TCHP: variants seen among roughly 807,000 people sequenced by gnomAD.
TCHP encodes trichoplein keratin filament binding, also known as trichoplein keratin filament-binding protein.
TCHP carries 81 observed loss-of-function variants against 88.7 expected under a neutral mutation model. The ratio of observed to expected loss-of-function variants is 0.91; its 90% CI spans 0.76 to 1.10. TCHP has a LOEUF of 1.10. Among genes scored for constraint, TCHP ranks in the 50% least tolerant of loss-of-function variants. The probability of loss-of-function intolerance (pLI) is 0.00; values close to 1 mark genes in which losing one functional copy is unlikely to be tolerated. For synonymous variants in TCHP, 232 were observed against 232.5 expected (o/e 1.00, Z 0.02); for missense variants, 641 against 632.1 (o/e 1.01, Z -0.15).
In TCHP at chr12:109,915,493, G is replaced by A. The variant is rs1870761325; in HGVS notation, c.1411G>A (p.Ala471Thr). 6.2e-7 allele frequency: 1 copy of A among 1,613,988 alleles called. No homozygotes were observed. The highest frequency in any genetic ancestry group is 1.3e-5 in the African/African-American group (1 of 74,918). The stretch of plus-strand genomic sequence containing the variant: ...CCGGCGGGTCGAGCAGCTCTCAGAT[G>A]CCCTGCTGCAGCAGGAGGCGGAGAC... ...EARRVEQLSD[A>T]LLQQEAETMA... Residue 471 changes from alanine (A) to threonine (T), a missense_variant, in exon 12 of 13, where the codon GCC becomes ACC. By Grantham distance (58) the Ala-to-Thr change is moderately conservative (BLOSUM62 0). Coordinates refer to ENST00000405876, the MANE Select transcript of TCHP (RefSeq NM_001143852.2).
Position 109,905,057 on chromosome 12 carries a change from G to T in TCHP, c.456+264G>T, listed in dbSNP as rs1036773863. 7 of 477,538 alleles carry T rather than the reference G, an allele frequency of 1.5e-5. No homozygotes were observed. Among genetic ancestry groups the T allele is most frequent in the Middle Eastern group, 5.8e-4 (1 of 1,714 alleles). The allele number at this position is 477,538 out of a possible 1,614,324, so 29.6% of individuals were successfully genotyped here. ...AGACATGGTTTCTGCTCATTAGCTT[G>T]TGTCCAGCATGGGAGCTCATTACAG... On this transcript the variant is annotated intron_variant, in intron 4 of 12. Coordinates refer to ENST00000405876, the MANE Select transcript of TCHP (RefSeq NM_001143852.2). This position sits in a 1 kb window ranked among gnomAD's most constrained non-coding sequence, Gnocchi z 4.0.
At chr12:109,913,567 C>A (rs528623015) in intron 10 of TCHP, among the ~76,000 whole-genome samples, 1 of 152,324 alleles carries the variant, frequency 6.6e-6, no homozygotes, top group South Asian at 2.1e-4. Context: ...TCTTCCCACA[C>A]GTTTCCCCCC....
chr12:109,902,933 A>G, intron 1 of TCHP, 94 bp from the exon 2 acceptor site: 1 of 955,492 alleles, frequency 1.0e-6, no homozygotes. Flanking sequence ...TGTGCAGCCA[A>G]GGGGTGGTGA....
At chr12:109,906,990 A>C (rs182077713) in intron 5 of TCHP, among the ~76,000 whole-genome samples, 2 of 152,292 alleles carry the variant, frequency 1.3e-5, no homozygotes, top group African/African-American at 4.8e-5. Flanking sequence ...GCTGGGCTCA[A>C]GCAGTCCTCC....
the TCHP span, among the ~76,000 whole-genome samples, chr12:109,886,106 T>A: frequency 2.6e-5 from 4 of 152,134 alleles, no homozygotes; most frequent in Non-Finnish European, 5.9e-5. Flanking sequence ...AGTGGGGACT[T>A]GTGATTCCAT....
chr12:109,904,596 C>T lies in TCHP; in HGVS notation c.400-141C>T, dbSNP rs1159328044. The T allele has an allele frequency of 4.4e-5, 30 of 681,778 alleles. No homozygotes were observed. The East Asian group carries it at 7.3e-4, about 17-fold the overall frequency. The allele number at this position is 681,778 out of a possible 1,614,324, so 42.2% of individuals were successfully genotyped here. A position where few individuals can be genotyped will look rare whatever the true frequency, so the allele number is the denominator to read the frequency against. On this transcript the variant is annotated intron_variant, in intron 3 of 12. Transcript: ENST00000405876. The stretch of plus-strand genomic sequence containing the variant: ...GGTTCTCAGAGCTGTGCATGTGAAG[C>T]ATGAGGGTTTGAACAGTGGTTGCAG...
At chr12:109,897,089 A>T (rs192685893), upstream of TCHP, among the ~76,000 whole-genome samples, 20 of 152,318 alleles carry the variant, frequency 1.3e-4, no homozygotes, top group Admixed American at 2.6e-4. Context: ...TCATGGCTCA[A>T]CCACCTATCA....
chr12:109,882,544 G>C, the TCHP span, among the ~76,000 whole-genome samples: 3 of 151,924 alleles, frequency 2.0e-5, no homozygotes, highest in Non-Finnish European at 2.9e-5. Flanking sequence ...AATGGGAATG[G>C]GTAAGTGAGG....
chr12:109,891,390 CT>C, the TCHP span, among the ~76,000 whole-genome samples: 420 of 139,420 alleles, frequency 3.0e-3, no homozygotes, highest in East Asian at 0.016. Context: ...TTAATATTTC[CT>C]TTTTTTTTTT....
At position 109,917,004 on chromosome 12, in the gene TCHP, A is replaced by G. The variant is rs1417078313; in HGVS notation, c.*381A>G. The stretch of plus-strand genomic sequence containing the variant: ...ATTGTCAACCTCCAGTGTTGACTCT[A>G]GAAATATGAGGAAAGCTTTTCAGTT... On this transcript the variant is annotated 3_prime_UTR_variant, in exon 13 of 13. Coordinates refer to ENST00000405876, the MANE Select transcript of TCHP (RefSeq NM_001143852.2). 1.0e-5 allele frequency: 2 copies of G among 190,586 alleles called. No individual in the cohort carries two copies. Among genetic ancestry groups the G allele is most frequent in the East Asian group, 2.6e-4 (2 of 7,734 alleles). 11.8% of individuals were successfully genotyped at this position (190,586 alleles called of 1,614,324 possible).
the TCHP span, among the ~76,000 whole-genome samples, chr12:109,894,415 A>G: frequency 4.8e-4 from 72 of 149,178 alleles, no homozygotes; most frequent in Admixed American, 4.8e-3. Flanking sequence ...AGCCACCAAG[A>G]TTGTGCCACT....
chr12:109,912,943 T>G (rs372360618), intron 9 of TCHP, 48 bp from the exon 10 acceptor site: 1 of 1,564,696 alleles, frequency 6.4e-7, no homozygotes, highest in African/African-American at 1.4e-5. Context: ...GCTCGCTTCC[T>G]GCCAGGGCGG....
intron 9 of TCHP, among the ~76,000 whole-genome samples, chr12:109,911,894 T>C (rs1243838401): frequency 4.6e-5 from 7 of 151,974 alleles, no homozygotes; most frequent in Non-Finnish European, 1.0e-4. Flanking sequence ...CCTCCTGGGT[T>C]CAAGTAATTC....
chr12:109,883,997 A>C, the TCHP span, among the ~76,000 whole-genome samples: 1 of 151,986 alleles, frequency 6.6e-6, no homozygotes, highest in Non-Finnish European at 1.5e-5. Context: ...GGAGTGGTGG[A>C]GACTTTGGAG....
chr12:109,893,882 G>A, the TCHP span, among the ~76,000 whole-genome samples: 12 of 152,042 alleles, frequency 7.9e-5, no homozygotes, highest in Non-Finnish European at 1.5e-4. Context: ...AGAGAAATAT[G>A]GGCTAAAGAC....
chr12:109,894,765 CAAAAAAAAAAAA>C, the TCHP span, among the ~76,000 whole-genome samples: 30 of 74,172 alleles, frequency 4.0e-4, no homozygotes, highest in East Asian at 9.7e-3. Context: ...AACTCTGTCC[CAAAAAAAAAAAA>C]AAAAAAAAAA....
At chr12:109,894,424 C>G in the TCHP span, among the ~76,000 whole-genome samples, 1 of 149,350 alleles carries the variant, frequency 6.7e-6, no homozygotes, top group African/African-American at 2.5e-5. Context: ...GATTGTGCCA[C>G]TGCACTCCAG....
upstream of TCHP, among the ~76,000 whole-genome samples, chr12:109,896,538 T>C (rs748488695): frequency 6.6e-6 from 1 of 152,330 alleles, no homozygotes; most frequent in African/African-American, 2.4e-5. Context: ...TTCTTTTTGC[T>C]TTCTCTTAAC....
chr12:109,916,561 A>T lies in TCHP; in HGVS notation c.1465-30A>T, dbSNP rs1275270133. 2 of 1,609,264 alleles carry T rather than the reference A, an allele frequency of 1.2e-6. 1 individual carries two copies. Among genetic ancestry groups the T allele is most frequent in the South Asian group, 2.2e-5 (2 of 90,022 alleles). The stretch of plus-strand genomic sequence containing the variant: ...TCATGCTGCAGATACTGCTGATCTG[A>T]TCACTCTTATGTTTTCTTTCTTTTC... On this transcript the variant is annotated intron_variant, in intron 12 of 12. Transcript: ENST00000405876.
Sources: allele counts gnomAD v4.1 joint callset (sites outside exome capture counted in the v4.1 genomes callset), GRCh38; gene constraint gnomAD v4.1.1; non-coding constraint Gnocchi (gnomAD v3.1); transcripts MANE v1.5; gene names NCBI Gene and HGNC (gene_info 2026-07-23, HGNC 2026-07-21).